Variants in CC2D1B observed in about 807,000 individuals in gnomAD.
CC2D1B encodes the protein coiled-coil and C2 domain-containing protein 1B.
Under a neutral mutation model 110.8 loss-of-function variants are expected in CC2D1B, and 92 were observed. That is an observed-to-expected ratio of 0.83 (90% CI 0.70 to 0.99). CC2D1B has a LOEUF of 0.99. CC2D1B is among the 50% of genes least tolerant of loss of function. CC2D1B has a pLI of 0.00. For missense variants in CC2D1B, 1,136 were observed against 1,089.0 expected (o/e 1.04, Z -0.61); for synonymous variants, 406 against 429.2 (o/e 0.95, Z 0.67).
rs1646628323 is a variant in CC2D1B at position 52,355,468 on chromosome 1, G to C, written c.2188-19C>G. 3 of 1,614,122 alleles carry C rather than the reference G, an allele frequency of 1.9e-6. No individual in the cohort carries two copies. The highest frequency in any genetic ancestry group is 2.5e-6 in the Non-Finnish European group (3 of 1,179,978). ...CCTGGTCCTAAGCAGTGAGGAGGGA[G>C]AAGTCAGGACAGCGTATAAACAAAG... On this transcript the variant is annotated intron_variant, in intron 20 of 24. Coordinates refer to ENST00000284376, the MANE Select transcript of CC2D1B (RefSeq NM_001330585.2).
chr1:52,357,114 A>C lies in CC2D1B; in HGVS notation c.1765T>G (p.Leu589Val), dbSNP rs746404887. 6.2e-7 allele frequency: 1 copy of C among 1,613,952 alleles called. No individual in the cohort carries two copies. The highest frequency in any genetic ancestry group is 8.5e-7 in the Non-Finnish European group (1 of 1,179,946). ...PVDLSKVPSPLTDEEGDFILI... is the reference protein window; with the variant it reads ...PVDLSKVPSPVTDEEGDFILI... ...ATGAAGTCACCCTCCTCATCCGTCA[A>C]GGGCGAAGGCACCTACCCAGGTCAC... is the stretch of plus-strand genomic sequence containing the variant. Residue 589 changes from leucine (L) to valine (V), a missense_variant, in exon 16 of 25, where the codon TTG becomes GTG. By Grantham distance (32) the Leu-to-Val change is conservative (BLOSUM62 1). Coordinates refer to ENST00000284376, the MANE Select transcript of CC2D1B (RefSeq NM_001330585.2).
chr1:52,358,378 G>T lies in CC2D1B; in HGVS notation c.1414C>A (p.Leu472Met). 1 of 1,614,150 alleles carries T rather than the reference G, an allele frequency of 6.2e-7. No individual in the cohort carries two copies. Among genetic ancestry groups the T allele is most frequent in the Non-Finnish European group, 8.5e-7 (1 of 1,180,024 alleles). The change falls in exon 13 of 25, where the codon CTG (leucine) becomes ATG (methionine). Residue 472 changes from leucine to methionine, a missense_variant. Physicochemically the swap from Leu to Met is conservative, Grantham distance 15. Coordinates refer to ENST00000284376, the MANE Select transcript of CC2D1B (RefSeq NM_001330585.2). ...VAATLAAAEK[L>M]ASAEDSAPAD... ...GGGGCTGAATCCTCTGCAGAGGCCAGTTTCTCTGCAGCTGCCAATGTCGCT... is the reference window on the plus strand; with the variant it reads ...GGGGCTGAATCCTCTGCAGAGGCCATTTTCTCTGCAGCTGCCAATGTCGCT...
chr1:52,354,745 A>C (rs753036811), intron 22 of CC2D1B, 47 bp from the exon 23 acceptor site: 8 of 1,607,606 alleles, frequency 5.0e-6, no homozygotes. Context: ...CAGGGAAGGC[A>C]GGAATGTGCT....
chr1:52,354,262 G>A (rs1374407606), intron 23 of CC2D1B: 3 of 459,324 alleles, frequency 6.5e-6, no homozygotes, highest in Middle Eastern at 6.5e-4. Flanking sequence ...TAAGGAGCTG[G>A]TCGTAGCTCT....
At position 52,357,775 on chromosome 1, in the gene CC2D1B, A is replaced by G. The variant is rs1238675983; in HGVS notation, c.1579+6T>C. The G allele has an allele frequency of 1.9e-6, 3 of 1,592,612 alleles. No individual in the cohort carries two copies. The highest frequency in any genetic ancestry group is 1.7e-5 in the Admixed American group (1 of 58,016). ...CAGTTCTTCACCCTGCTTGTCCCCA[A>G]CTCACCAGATGGACTCGGTGACTCC... On this transcript the variant is annotated splice_donor_region_variant and intron_variant, in intron 14 of 24. Coordinates refer to ENST00000284376, the MANE Select transcript of CC2D1B (RefSeq NM_001330585.2).
Position 52,356,956 on chromosome 1 carries a change from A to G in CC2D1B, c.1878+45T>C, listed in dbSNP as rs990167579. The G allele has an allele frequency of 1.0e-5, 16 of 1,525,914 alleles. No individual in the cohort carries two copies. The Admixed American group carries it at 3.5e-4, about 33-fold the overall frequency. The allele number at this position is 1,525,914 out of a possible 1,614,324, so 94.5% of individuals were successfully genotyped here. ...GAGCTCCAGGTCTTCCTCCACGGGG[A>G]GGCTGTGGGCACAGAGGGGAGGAAC... On this transcript the variant is annotated intron_variant, in intron 16 of 24. Coordinates refer to ENST00000284376, the MANE Select transcript of CC2D1B (RefSeq NM_001330585.2).
intron 16 of CC2D1B, chr1:52,356,700 A>G: frequency 1.7e-6 from 1 of 603,038 alleles, no homozygotes; most frequent in Non-Finnish European, 2.9e-6. Context: ...ATCCCCTCAG[A>G]AGGCAGCCTT....
At chr1:52,363,170 G>A (rs1334582499) in intron 2 of CC2D1B, among the ~76,000 whole-genome samples, 1 of 152,128 alleles carries the variant, frequency 6.6e-6, no homozygotes, top group Non-Finnish European at 1.5e-5. Flanking sequence ...CGAGGCGGGT[G>A]GATCACGAGG....
In CC2D1B at chr1:52,357,951, T is replaced by G. The variant is rs1646691385; in HGVS notation, c.1462-53A>C. 6.6e-6 allele frequency: 10 copies of G among 1,516,564 alleles called. No homozygotes were observed. In the South Asian group the frequency reaches 1.3e-4, roughly 20 times the overall value. The allele number at this position is 1,516,564 out of a possible 1,614,324, so 93.9% of individuals were successfully genotyped here. On this transcript the variant is annotated intron_variant, in intron 13 of 24. Transcript: ENST00000284376. Reference sequence around the variant, plus strand: ...GGGGATGTGTTCCCTAGCATAGTCATGGCGGCTCCCAGACTTGGGCTGTCT... The same window carrying G: ...GGGGATGTGTTCCCTAGCATAGTCAGGGCGGCTCCCAGACTTGGGCTGTCT...
chr1:52,360,085 G>A lies in CC2D1B; in HGVS notation c.752C>T (p.Ala251Val). ...GCATCTGCAGATACCTGACTCCAAG[G>A]CAGGGGGAGCTGGAGGGTCTGTCTC... Reference protein sequence around the residue: ...SPETDPPAPPALESDNPSQPE... With the variant: ...SPETDPPAPPVLESDNPSQPE... Residue 251 changes from alanine to valine, a missense_variant, in exon 7 of 25, where the codon GCC becomes GTC. Physicochemically the swap from Ala to Val is moderately conservative, Grantham distance 64. Transcript: ENST00000284376. The A allele has an allele frequency of 6.3e-7, 1 of 1,582,258 alleles. No individual in the cohort carries two copies.
rs1646708332 is a variant in CC2D1B at position 52,358,691 on chromosome 1, G to T, written c.1325C>A (p.Pro442His). The part of the protein sequence containing the change: ...RKVNFAELPV[P>H]PGFPPIPGLE... ...CTAGGCCATGCCCCACTTACCTGGA[G>T]GAACAGGCAATTCAGCAAAGTTGAC... The change falls in exon 12 of 25, where the codon CCT becomes CAT. Residue 442 changes from proline (P) to histidine (H), a missense_variant. Coordinates refer to ENST00000284376, the MANE Select transcript of CC2D1B (RefSeq NM_001330585.2). 6.2e-7 allele frequency: 1 copy of T among 1,613,046 alleles called. No individual in the cohort carries two copies. The highest frequency in any genetic ancestry group is 1.3e-5 in the African/African-American group (1 of 74,832).
In CC2D1B at chr1:52,351,862, TGGCA is replaced by T. The variant is rs1441572665; in HGVS notation, c.*1359_*1362del. On this transcript the variant is annotated 3_prime_UTR_variant, in exon 25 of 25. Transcript: ENST00000284376. ...TCATGCCACTGCACTCCAGCCTGGC[TGGCA>T]GAGAGCTACTCTGTCTCAAAAAAAA... is the stretch of plus-strand genomic sequence containing the variant. 1.5e-5 allele frequency: 2 copies of T among 136,682 alleles called. No homozygotes were observed. Among genetic ancestry groups the T allele is most frequent in the Admixed American group, 1.6e-4 (2 of 12,506 alleles). The allele number at this position is 136,682 out of a possible 1,614,324, so 8.5% of individuals were successfully genotyped here. A position where few individuals can be genotyped will look rare whatever the true frequency, so the allele number is the denominator to read the frequency against.
intron 2 of CC2D1B, among the ~76,000 whole-genome samples, chr1:52,364,343 T>G (rs1023927229): frequency 6.6e-6 from 1 of 152,044 alleles, no homozygotes; most frequent in African/African-American, 2.4e-5. Context: ...CATCAGAACA[T>G]CCTAAACTTT....
rs756385690 is a variant in CC2D1B, at chr1:52,359,493, G to A, written c.984C>T (p.Pro328=). 1.1e-5 allele frequency: 18 copies of A among 1,613,950 alleles called. No individual in the cohort carries two copies. The African/African-American group carries it at 1.6e-4, about 14-fold the overall frequency. Residue 328 remains proline (P), a synonymous_variant, in exon 9 of 25, where the codon CCC becomes CCT. Coordinates refer to ENST00000284376, the MANE Select transcript of CC2D1B (RefSeq NM_001330585.2). The part of the protein sequence containing the change: ...AVLEALEKGQ[P]VDLSAMPPAP... ...CCGGGGGCATGGCACTCAGATCCAC[G>A]GGCTGCCCCTTCTCCAGGGCCTCCA...
In CC2D1B at chr1:52,362,605, G is replaced by C. The variant is rs778491847; in HGVS notation, c.211C>G (p.Gln71Glu). 1.1e-5 allele frequency: 17 copies of C among 1,614,024 alleles called. No individual in the cohort carries two copies. The highest frequency in any genetic ancestry group is 1.4e-5 in the Non-Finnish European group (16 of 1,180,034). ...TTGKKPAPKG[Q>E]APLPMAHIEK... ...CCAGCCCTGTGTCCAAACTCACCCTGCCCCTTGGGTGCTGGCTTCTTGCCT... is the reference window on the plus strand; with the variant it reads ...CCAGCCCTGTGTCCAAACTCACCCTCCCCCTTGGGTGCTGGCTTCTTGCCT... Residue 71 changes from glutamine (Q) to glutamate (E), a missense_variant, in exon 3 of 25, where the codon CAG (glutamine) becomes GAG (glutamate). Transcript: ENST00000284376.
Position 52,356,269 on chromosome 1 carries a change from C to G in CC2D1B, c.1971G>C (p.Gln657His). 6.2e-7 allele frequency: 1 copy of G among 1,614,210 alleles called. No individual in the cohort carries two copies. Among genetic ancestry groups the G allele is most frequent in the Non-Finnish European group, 8.5e-7 (1 of 1,180,042 alleles). ...FEKLAQDRKK[Q>H]LEILQLAQAQ... The stretch of plus-strand genomic sequence containing the variant: ...CCTGGGCCAGCTGCAGGATCTCCAG[C>G]TGTTTCTTGCGGTCCTGAGCAAGCT... The change falls in exon 18 of 25, where the codon CAG (glutamine) becomes CAC (histidine). Residue 657 changes from glutamine (Q) to histidine (H), a missense_variant. Physicochemically the swap from Gln to His is conservative, Grantham distance 24 (BLOSUM62 0). Coordinates refer to ENST00000284376, the MANE Select transcript of CC2D1B (RefSeq NM_001330585.2).
chr1:52,360,621 C>A, intron 5 of CC2D1B, 72 bp from the exon 6 acceptor site: 1 of 1,561,804 alleles, frequency 6.4e-7, no homozygotes, highest in Non-Finnish European at 8.7e-7. Flanking sequence ...TCTGCGGAAG[C>A]TGCCCTAGAA....
chr1:52,361,618 TG>T lies in CC2D1B; in HGVS notation c.215-3del. 6.2e-7 allele frequency: 1 copy of T among 1,613,566 alleles called. No individual in the cohort carries two copies. The highest frequency in any genetic ancestry group is 8.5e-7 in the Non-Finnish European group (1 of 1,179,984). On this transcript the variant is annotated splice_region_variant and splice_polypyrimidine_tract_variant and intron_variant, in intron 3 of 24. Coordinates refer to ENST00000284376, the MANE Select transcript of CC2D1B (RefSeq NM_001330585.2). The stretch of plus-strand genomic sequence containing the variant: ...CGATGTGGGCCATGGGCAGGGGGGC[TG>T]GGGGAAAAAGGTCACAACAAGTCAG...
rs3838980 is a variant in CC2D1B at position 52,353,300 on chromosome 1, A to AAGAT, written c.*2-81_*2-78dup. 1.5e-3 allele frequency: 2,152 copies of AAGAT among 1,477,424 alleles called. 8 individuals carry two copies. Among genetic ancestry groups the AAGAT allele is most frequent in the East Asian group, 9.6e-3 (356 of 37,068 alleles). The allele number at this position is 1,477,424 out of a possible 1,614,324, so 91.5% of individuals were successfully genotyped here. On this transcript the variant is annotated intron_variant, in intron 24 of 24. Transcript: ENST00000284376. ...CAAAGATTTTAGAAAGGGTTTCCTG[A>AAGAT]AGATAGATAGATAGATAGATAGTTA...
Sources: allele counts gnomAD v4.1 joint callset (sites outside exome capture counted in the v4.1 genomes callset), GRCh38; gene constraint gnomAD v4.1.1; transcripts MANE v1.5; gene names NCBI Gene and HGNC (gene_info 2026-07-23, HGNC 2026-07-21).